ABCG2: variants seen among roughly 807,000 people sequenced by gnomAD.
The protein encoded by ABCG2 is broad substrate specificity ATP-binding cassette transporter ABCG2.
A neutral mutation model predicts 73.5 loss-of-function variants in ABCG2; 80 were observed. The observed-to-expected ratio is 1.09, with a 90% CI of 0.91 to 1.31. ABCG2 has a LOEUF of 1.31. Among genes scored for constraint, ABCG2 ranks in the 50% most tolerant of loss-of-function variants. The probability of loss-of-function intolerance (pLI) is 0.00; values close to 1 mark genes in which losing one functional copy is unlikely to be tolerated. For synonymous variants in ABCG2, 269 were observed against 282.4 expected (o/e 0.95, Z 0.48); for missense variants, 796 against 786.2 (o/e 1.01, Z -0.15).
intron 5 of ABCG2, among the ~76,000 whole-genome samples, chr4:88,130,164 A>C (rs1724747585): frequency 6.6e-6 from 1 of 152,226 alleles, no homozygotes; most frequent in African/African-American, 2.4e-5. Flanking sequence ...CTGGGGAACC[A>C]GGATGCACAG....
chr4:88,158,772 C>T (rs1278627805), upstream of ABCG2: 4 of 363,872 alleles, frequency 1.1e-5, no homozygotes, highest in South Asian at 4.1e-5. Flanking sequence ...GCGTGGGAGG[C>T]GCTGCGGCTG....
intron 2 of ABCG2, 27 bp from the exon 3 acceptor site, chr4:88,132,662 A>G: frequency 6.2e-7 from 1 of 1,613,180 alleles, no homozygotes; most frequent in African/African-American, 1.3e-5. Flanking sequence ...AGACTGATTT[A>G]CTATTCCATT....
At chr4:88,180,234 A>G (rs1397079331) in intron 1 of ABCG2, among the ~76,000 whole-genome samples, 1 of 152,224 alleles carries the variant, frequency 6.6e-6, no homozygotes, top group Non-Finnish European at 1.5e-5. Flanking sequence ...CAGACTTTTC[A>G]GTGGAAATCT....
At chr4:88,191,797 A>G (rs1290977631) in intron 1 of ABCG2, among the ~76,000 whole-genome samples, 3 of 152,246 alleles carry the variant, frequency 2.0e-5, no homozygotes, top group Non-Finnish European at 4.4e-5. Context: ...TGAAGTACTA[A>G]TTCATGCTAC....
chr4:88,141,931 A>C (rs1415087876), intron 1 of ABCG2, among the ~76,000 whole-genome samples: 1 of 152,144 alleles, frequency 6.6e-6, no homozygotes, highest in Non-Finnish European at 1.5e-5. Flanking sequence ...GATCTACAAA[A>C]ACAAACAAAA....
chr4:88,187,686 T>C (rs367774998), intron 1 of ABCG2, among the ~76,000 whole-genome samples: 3 of 152,176 alleles, frequency 2.0e-5, no homozygotes, highest in South Asian at 2.1e-4. Flanking sequence ...TTATTACATA[T>C]TGTATGCCTA....
rs151209806 is a variant in ABCG2, at chr4:88,113,363, T to C, written c.1134A>G (p.Arg378=). The change falls in exon 9 of 16, where the codon AGA becomes AGG. Residue 378 remains arginine, a synonymous_variant. Coordinates refer to ENST00000237612, the MANE Select transcript of ABCG2 (RefSeq NM_004827.3). ...SYTTSFCHQL[R]WVSKRSFKNL... The stretch of plus-strand genomic sequence containing the variant: ...TTTTGAATGAACGCTTGGAAACCCA[T>C]CTGAGTTGATGACAGAAGGAGGTGG... 6 of 1,614,078 alleles carry C rather than the reference T, an allele frequency of 3.7e-6. No individual in the cohort carries two copies. Among genetic ancestry groups the C allele is most frequent in the South Asian group, 1.1e-5 (1 of 91,090 alleles).
intron 10 of ABCG2, 150 bp downstream of exon 10, chr4:88,107,034 T>C (rs969558180): frequency 9.8e-6 from 6 of 612,520 alleles, no homozygotes; most frequent in Admixed American, 3.2e-5. Flanking sequence ...AGAGCATGAC[T>C]CTGTCTCAAA....
intron 2 of ABCG2, among the ~76,000 whole-genome samples, chr4:88,138,216 ATG>A (rs1725383354): frequency 6.6e-6 from 1 of 152,216 alleles, no homozygotes; most frequent in Non-Finnish European, 1.5e-5. Context: ...CAAGAGTATA[ATG>A]AATTTCTCTT....
intron 1 of ABCG2, among the ~76,000 whole-genome samples, chr4:88,147,943 T>C (rs934788546): frequency 6.6e-6 from 1 of 152,236 alleles, no homozygotes; most frequent in African/African-American, 2.4e-5. Flanking sequence ...ATGCAGGACA[T>C]ACTTCCAGCC....
intron 1 of ABCG2, among the ~76,000 whole-genome samples, chr4:88,189,481 T>A (rs780980965): frequency 2.4e-4 from 36 of 151,688 alleles, no homozygotes; most frequent in Non-Finnish European, 4.3e-4. Flanking sequence ...GCCACTGTAC[T>A]CTAGCCTGGG....
chr4:88,194,092 C>G (rs1728825932), intron 1 of ABCG2, among the ~76,000 whole-genome samples: 1 of 152,202 alleles, frequency 6.6e-6, no homozygotes, highest in Non-Finnish European at 1.5e-5. Context: ...AGATGTTCCA[C>G]TTCCTTTTTC....
At chr4:88,158,216 G>A (rs1249077321) in intron 1 of ABCG2, among the ~76,000 whole-genome samples, 170 bp downstream of exon 1, 1 of 152,118 alleles carries the variant, frequency 6.6e-6, no homozygotes, top group Non-Finnish European at 1.5e-5. Context: ...AAACCACTTT[G>A]AACTGTCAGT....
chr4:88,139,720 G>C, intron 2 of ABCG2, 73 bp downstream of exon 2: 1 of 1,371,610 alleles, frequency 7.3e-7, no homozygotes. Flanking sequence ...CAGTTTCTTG[G>C]AAATAGCCAA....
chr4:88,163,542 C>G (rs1033865219), upstream of ABCG2: 1 of 170,572 alleles, frequency 5.9e-6, no homozygotes, highest in African/African-American at 2.4e-5. Flanking sequence ...ACTTAAGAAT[C>G]CCTCACGCTC....
At chr4:88,227,098 TA>T (rs879941709) in intron 1 of ABCG2, among the ~76,000 whole-genome samples, 1 of 151,838 alleles carries the variant, frequency 6.6e-6, no homozygotes, top group Non-Finnish European at 1.5e-5. Context: ...ATACCCTGTC[TA>T]AAAAAAACTA....
chr4:88,194,082 A>G (rs571448902), intron 1 of ABCG2, among the ~76,000 whole-genome samples: 1 of 152,314 alleles, frequency 6.6e-6, no homozygotes, highest in Non-Finnish European at 1.5e-5. Context: ...TCAAGAAATC[A>G]GATGTTCCAC....
rs550155212 is a variant in ABCG2 at position 88,150,325 on chromosome 4, G to A, written c.-20+8061C>T. On this transcript the variant is annotated intron_variant, in intron 1 of 15. Coordinates refer to ENST00000237612, the MANE Select transcript of ABCG2 (RefSeq NM_004827.3). ...GAGGTGGTCACGGAAGGCCTTTCCA[G>A]TGAGGCCCTCAAGCAGAGCTCTGAG... is the stretch of plus-strand genomic sequence containing the variant. Among the ~76,000 whole-genome samples, 47 of 152,308 alleles carry A rather than the reference G, an allele frequency of 3.1e-4. 1 individual carries two copies. In the South Asian group the frequency reaches 9.7e-3, roughly 32 times the overall value.
intron 1 of ABCG2, among the ~76,000 whole-genome samples, chr4:88,191,289 A>G (rs1728682971): frequency 1.3e-5 from 2 of 150,102 alleles, no homozygotes; most frequent in Non-Finnish European, 3.0e-5. Flanking sequence ...AAAAACAAAA[A>G]GGGCAAAAAT....
Sources: allele counts gnomAD v4.1 joint callset (sites outside exome capture counted in the v4.1 genomes callset), GRCh38; gene constraint gnomAD v4.1.1; transcripts MANE v1.5; gene names NCBI Gene and HGNC (gene_info 2026-07-23, HGNC 2026-07-21).